The following NDUFB9 variants were observed in gnomAD, a reference collection of about 807,000 sequenced individuals.
NDUFB9 encodes NADH:ubiquinone oxidoreductase subunit B9.
NDUFB9 carries 24 observed loss-of-function variants against 30.2 expected under a neutral mutation model. The ratio of observed to expected loss-of-function variants is 0.80; its 90% confidence interval spans 0.58 to 1.12. NDUFB9 has a LOEUF of 1.12. Among genes scored for constraint, NDUFB9 ranks in the 50% most tolerant of loss-of-function variants. The probability of loss-of-function intolerance (pLI) is 0.00; values close to 1 mark genes in which losing one functional copy is unlikely to be tolerated. For missense variants in NDUFB9, 204 were observed against 226.0 expected, an observed-to-expected ratio of 0.90 and a Z score of 0.62; for synonymous variants, 80 against 84.0, an observed-to-expected ratio of 0.95 and a Z score of 0.26.
At chr8:124,548,254 A>G (rs1388229573) in intron 3 of NDUFB9, among the ~76,000 whole-genome samples, 30 of 152,218 alleles carry the variant, frequency 2.0e-4, no homozygotes, top group Admixed American at 1.9e-3. Context: ...TTTAAAAGCC[A>G]TGGAGAGATG....
Position 124,539,256 on chromosome 8 carries a change from C to T in NDUFB9, c.70C>T (p.Leu24=). Residue 24 remains leucine (L), a synonymous_variant, in exon 1 of 4, where the codon CTA becomes TTA. Coordinates refer to ENST00000276689, the MANE Select transcript of NDUFB9 (RefSeq NM_005005.3). ...QKVLRLYKRA[L]RHLESWCVQR... ...GGTGTTGCGGCTTTATAAGCGGGCG[C>T]TACGCCACCTCGAGTCGTGGTGCGT... The T allele has an allele frequency of 1.2e-6, 2 of 1,614,210 alleles. No homozygotes were observed. Among genetic ancestry groups the T allele is most frequent in the Non-Finnish European group, 8.5e-7 (1 of 1,180,044 alleles).
intron 2 of NDUFB9, among the ~76,000 whole-genome samples, chr8:124,545,862 G>A (rs1822144389): frequency 6.6e-6 from 1 of 151,730 alleles, no homozygotes; most frequent in South Asian, 2.1e-4. Context: ...CTTTTTTTTG[G>A]TGGAGGGGGA....
At chr8:124,547,165 T>C in intron 3 of NDUFB9, 52 bp downstream of exon 3, 3 of 1,400,706 alleles carry the variant, frequency 2.1e-6, no homozygotes, top group African/African-American at 1.4e-5. Context: ...TGGAGTGAAG[T>C]TTTGCTCCCC....
At chr8:124,547,258 A>G in intron 3 of NDUFB9, 145 bp downstream of exon 3, 3 of 720,324 alleles carry the variant, frequency 4.2e-6, no homozygotes, top group Non-Finnish European at 7.6e-6. Flanking sequence ...AAGTGTATCA[A>G]TTTAACATTT....
intron 1 of NDUFB9, chr8:124,542,847 T>G: frequency 1.0e-5 from 4 of 384,722 alleles, no homozygotes; most frequent in East Asian, 4.2e-5. Context: ...CCTCATTCCA[T>G]TGTTGGATGT....
At chr8:124,549,067 A>G (rs1822252356) in intron 3 of NDUFB9, among the ~76,000 whole-genome samples, 1 of 152,250 alleles carries the variant, frequency 6.6e-6, no homozygotes, top group Non-Finnish European at 1.5e-5. Context: ...TGCATTCTGC[A>G]ATTGATCACT....
chr8:124,543,233 C>T lies in NDUFB9; in HGVS notation c.248C>T (p.Pro83Leu). 1 of 1,614,232 alleles carries T rather than the reference C, an allele frequency of 6.2e-7. No individual in the cohort carries two copies. The highest frequency in any genetic ancestry group is 8.5e-7 in the Non-Finnish European group (1 of 1,180,046). Residue 83 changes from proline (P) to leucine (L), a missense_variant, in exon 2 of 4, where the codon CCT becomes CTT. Physicochemically the swap from Pro to Leu is moderately conservative, Grantham distance 98 (BLOSUM62 -3). Transcript: ENST00000276689. ...CAGCATCCACAGCCATACATCTTCC[C>T]TGACTCTCCTGGGGGCACCTCCTAT... ...YRQHPQPYIF[P>L]DSPGGTSYER...
intron 2 of NDUFB9, among the ~76,000 whole-genome samples, chr8:124,544,005 C>T (rs904808432): frequency 1.3e-5 from 2 of 152,118 alleles, no homozygotes; most frequent in African/African-American, 4.8e-5. Context: ...GCTGGTTAGC[C>T]AAGTTGTGAA....
intron 2 of NDUFB9, among the ~76,000 whole-genome samples, chr8:124,546,271 T>C (rs1822157341): frequency 6.6e-6 from 1 of 152,244 alleles, no homozygotes; most frequent in Admixed American, 6.5e-5. Flanking sequence ...ACCCTGCCAC[T>C]GCTTTATCAA....
chr8:124,541,681 G>A (rs1476153496), intron 1 of NDUFB9, among the ~76,000 whole-genome samples: 3 of 151,742 alleles, frequency 2.0e-5, no homozygotes, highest in Non-Finnish European at 4.4e-5. Context: ...TTGGCTCACC[G>A]CAAGTTCCGT....
rs140365193 is a variant in NDUFB9 at position 124,539,144 on chromosome 8, A to G, written c.-43A>G. 8,341 of 1,613,300 alleles carry G rather than the reference A, an allele frequency of 5.2e-3. 31 individuals are homozygous for G. The highest frequency in any genetic ancestry group is 9.1e-3 in the Middle Eastern group (55 of 6,058). ...GCTCAGTCACCCGCAGCAGGCGTGC[A>G]GTTTCCCGGCTCTCCGCGCGGCCGG... On this transcript the variant is annotated 5_prime_UTR_variant, in exon 1 of 4. Coordinates refer to ENST00000276689, the MANE Select transcript of NDUFB9 (RefSeq NM_005005.3).
intron 2 of NDUFB9, 151 bp downstream of exon 2, chr8:124,543,430 G>A (rs1470818990): frequency 2.5e-6 from 2 of 802,688 alleles, no homozygotes; most frequent in Non-Finnish European, 4.0e-6. Context: ...TCATTTTATT[G>A]CATTTTGTTT....
chr8:124,546,442 T>G lies in NDUFB9; in HGVS notation c.295-558T>G, dbSNP rs1731119974. Among the ~76,000 whole-genome samples the G allele has an allele frequency of 3.3e-5, 5 of 152,272 alleles. No individual in the cohort carries two copies. The South Asian group carries it at 1.0e-3, about 32-fold the overall frequency. On this transcript the variant is annotated intron_variant, in intron 2 of 3. Transcript: ENST00000276689. ...ATATGCACTGGGAAACCAAAAACAT[T>G]TTGTGACTTGCTTTATTGTGATATT...
At chr8:124,540,194 A>G (rs1821887755) in intron 1 of NDUFB9, among the ~76,000 whole-genome samples, 1 of 152,212 alleles carries the variant, frequency 6.6e-6, no homozygotes, top group Non-Finnish European at 1.5e-5. Flanking sequence ...TCACTGACAT[A>G]CTTCTCTTGA....
At chr8:124,540,959 CAGG>C (rs1011216972) in intron 1 of NDUFB9, among the ~76,000 whole-genome samples, 1 of 152,130 alleles carries the variant, frequency 6.6e-6, no homozygotes, top group African/African-American at 2.4e-5. Flanking sequence ...CACCTGAGGC[CAGG>C]AGTTCAACAG....
At chr8:124,541,211 C>T (rs1053969053) in intron 1 of NDUFB9, among the ~76,000 whole-genome samples, 20 of 152,064 alleles carry the variant, frequency 1.3e-4, no homozygotes, top group African/African-American at 4.6e-4. Context: ...ACCAACCGTT[C>T]TCTCAATCTC....
At chr8:124,547,414 T>C in intron 3 of NDUFB9, 1 of 601,584 alleles carries the variant, frequency 1.7e-6, no homozygotes, top group South Asian at 2.0e-5. Context: ...CTCTCCACTA[T>C]TTTCTTAGGC....
rs761131395 is a variant in NDUFB9 at position 124,543,272 on chromosome 8, G to A, written c.287G>A (p.Cys96Tyr). ...GGCACCTCCTATGAGAGATACGATT[G>A]CTACAAGGTAGGTGAGAATTATGAT... ...PGGTSYERYD[C>Y]YKVPEWCLDD... The change falls in exon 2 of 4, where the codon TGC (cysteine) becomes TAC (tyrosine). Residue 96 changes from cysteine (C) to tyrosine (Y), a missense_variant. Cys to Tyr is a radical substitution (Grantham distance 194, BLOSUM62 -2). Transcript: ENST00000276689. 3 of 1,613,458 alleles carry A rather than the reference G, an allele frequency of 1.9e-6. No homozygotes were observed. Among genetic ancestry groups the A allele is most frequent in the African/African-American group, 1.3e-5 (1 of 74,906 alleles).
chr8:124,539,259 C>A lies in NDUFB9; in HGVS notation c.73C>A (p.Arg25Ser). The change falls in exon 1 of 4, where the codon CGC becomes AGC. Residue 25 changes from arginine to serine, a missense_variant. Physicochemically the swap from Arg to Ser is moderately radical, Grantham distance 110. Coordinates refer to ENST00000276689, the MANE Select transcript of NDUFB9 (RefSeq NM_005005.3). ...KVLRLYKRAL[R>S]HLESWCVQRD... ...GTTGCGGCTTTATAAGCGGGCGCTA[C>A]GCCACCTCGAGTCGTGGTGCGTCCA... 6.2e-7 allele frequency: 1 copy of A among 1,614,228 alleles called. No homozygotes were observed. The highest frequency in any genetic ancestry group is 2.2e-5 in the East Asian group (1 of 44,884).
Sources: gnomAD v4.1 joint callset for allele counts (sites outside exome capture counted in the v4.1 genomes callset) on GRCh38, gnomAD v4.1.1 for gene constraint, MANE v1.5 for transcripts, NCBI Gene and HGNC (gene_info 2026-07-23, HGNC 2026-07-21) for gene names.